Variants in PLPPR3 observed in about 807,000 individuals in gnomAD.
PLPPR3 encodes phospholipid phosphatase-related protein type 3.
Under a neutral mutation model 27.3 loss-of-function variants are expected in PLPPR3, and 14 were observed. The ratio of observed to expected loss-of-function variants is 0.51; its 90% CI spans 0.34 to 0.80. The LOEUF is 0.80. Ranked by LOEUF, PLPPR3 falls within the 30% of genes least tolerant of loss-of-function variation. The pLI is 0.01. For synonymous variants in PLPPR3, 671 were observed against 508.0 expected (o/e 1.32, Z -4.32); for missense variants, 1,287 against 1,056.9 (o/e 1.22, Z -3.02).
In PLPPR3 at chr19:813,199, TG is replaced by T; in HGVS notation, c.1527del (p.Ser511AlafsTer11). On this transcript the variant is annotated frameshift_variant, in exon 8 of 8. Coordinates refer to ENST00000520876, the MANE Select transcript of PLPPR3 (RefSeq NM_001270366.2). LOFTEE classifies it low-confidence loss of function (END_TRUNC). The surrounding 1 kb of genome is among the most constrained non-coding windows in gnomAD (Gnocchi z 4.1). ...TTGGCGCGCACCCCGGCGCCGCTTT[TG>T]GGGGACAGGCCGGCCCCCGTCTGCG... The part of the protein sequence containing the change: ...EGAQTGAGLS[P>X]KSGAGVRAKW... 6.6e-7 allele frequency: 1 copy of T among 1,507,072 alleles called. No individual in the cohort carries two copies. The highest frequency in any genetic ancestry group is 2.2e-5 in the Admixed American group (1 of 45,624). The allele number at this position is 1,507,072 out of a possible 1,614,324, so 93.4% of individuals were successfully genotyped here.
chr19:816,974 CCCAT>C (rs1380322234), intron 2 of PLPPR3, among the ~76,000 whole-genome samples: 8 of 146,734 alleles, frequency 5.5e-5, no homozygotes, highest in Non-Finnish European at 7.6e-5. Context: ...CCATTGATCA[CCCAT>C]CCATCCATCC....
chr19:814,861 C>T lies in PLPPR3; in HGVS notation c.599+25G>A, dbSNP rs767708243. The T allele has an allele frequency of 5.0e-6, 8 of 1,601,250 alleles. No individual in the cohort carries two copies. In the Admixed American group the frequency reaches 1.3e-4, roughly 27 times the overall value. The stretch of plus-strand genomic sequence containing the variant: ...ACCGGGGCGGAAGAAGGCTCCCAGT[C>T]AGGGGAGTTGGGGGTCCGGCTCACC... On this transcript the variant is annotated intron_variant, in intron 5 of 7. Coordinates refer to ENST00000520876, the MANE Select transcript of PLPPR3 (RefSeq NM_001270366.2).
At chr19:821,459 C>G in intron 2 of PLPPR3, 26 bp downstream of exon 2, 2 of 1,503,714 alleles carry the variant, frequency 1.3e-6, no homozygotes, top group East Asian at 2.8e-5. Flanking sequence ...GCGTCTCCCC[C>G]GGGCCCCAGC....
chr19:823,034 G>C (rs1252435215), upstream of PLPPR3, among the ~76,000 whole-genome samples: 1 of 152,030 alleles, frequency 6.6e-6, no homozygotes, highest in Non-Finnish European at 1.5e-5. Flanking sequence ...CAGGAGAATC[G>C]CTTGAACCTG....
rs1249293743 is a variant in PLPPR3 at position 812,676 on chromosome 19, G to C, written c.2051C>G (p.Ser684Cys). 45 of 1,051,676 alleles carry C rather than the reference G, an allele frequency of 4.3e-5. No individual in the cohort carries two copies. Among genetic ancestry groups the C allele is most frequent in the Non-Finnish European group, 4.9e-5 (43 of 871,786 alleles). 65.1% of individuals were successfully genotyped at this position (1,051,676 alleles called of 1,614,324 possible). The change falls in exon 8 of 8, where the codon TCC (serine) becomes TGC (cysteine). Residue 684 changes from serine to cysteine, a missense_variant. Physicochemically the swap from Ser to Cys is moderately radical, Grantham distance 112. Transcript: ENST00000520876. ...DGALGPGSRE[S>C]TLRRHAGGLG... ...GCCGCCCGCGTGGCGCCGCAGCGTG[G>C]ACTCCCGGCTGCCCGGGCCCAGCGC...
chr19:823,746 G>A (rs1195233310), upstream of PLPPR3, among the ~76,000 whole-genome samples: 1 of 152,212 alleles, frequency 6.6e-6, no homozygotes, highest in African/African-American at 2.4e-5. Flanking sequence ...TCACAGGTGG[G>A]TCCCATTCGA....
Position 813,793 on chromosome 19 carries a change from C to A in PLPPR3, c.934G>T (p.Asp312Tyr). ...GACTTATTCTGCTGATAAACCGAGT[C>A]GTGGCCCCGCTGCGTCAGGGCCCGC... ...ALRALTQRGHDSVYQQNKSVS... is the reference protein window; with the variant it reads ...ALRALTQRGHYSVYQQNKSVS... The change falls in exon 8 of 8, where the codon GAC (aspartate) becomes TAC (tyrosine). Residue 312 changes from aspartate (D) to tyrosine (Y), a missense_variant. Transcript: ENST00000520876. This position sits in a 1 kb window ranked among gnomAD's most constrained non-coding sequence, Gnocchi z 4.1. The A allele has an allele frequency of 1.3e-6, 2 of 1,525,168 alleles. No homozygotes were observed. Among genetic ancestry groups the A allele is most frequent in the South Asian group, 1.2e-5 (1 of 83,026 alleles). The allele number at this position is 1,525,168 out of a possible 1,614,324, so 94.5% of individuals were successfully genotyped here. A position where few individuals can be genotyped will look rare whatever the true frequency, so the allele number is the denominator to read the frequency against.
rs1020746237 is a variant in PLPPR3 at position 819,070 on chromosome 19, G to A, written c.75+2415C>T. On this transcript the variant is annotated intron_variant, in intron 2 of 7. Coordinates refer to ENST00000520876, the MANE Select transcript of PLPPR3 (RefSeq NM_001270366.2). Reference sequence around the variant, plus strand: ...CAGCTCACTGCAACCTCCACCTCCCGTCCTCAAGCGATTCTCCCACCTCAG... The same window carrying A: ...CAGCTCACTGCAACCTCCACCTCCCATCCTCAAGCGATTCTCCCACCTCAG... Among the ~76,000 whole-genome samples the A allele has an allele frequency of 3.7e-5, 4 of 108,608 alleles. 1 individual carries two copies. The highest frequency in any genetic ancestry group is 6.5e-4 in the South Asian group (2 of 3,070). 71.3% of individuals were successfully genotyped at this position (108,608 alleles called of 152,430 possible).
chr19:813,148 C>G lies in PLPPR3; in HGVS notation c.1579G>C (p.Gly527Arg). The G allele has an allele frequency of 6.6e-7, 1 of 1,523,658 alleles. No individual in the cohort carries two copies. Among genetic ancestry groups the G allele is most frequent in the South Asian group, 1.2e-5 (1 of 83,036 alleles). 94.4% of individuals were successfully genotyped at this position (1,523,658 alleles called of 1,614,324 possible). Residue 527 changes from glycine to arginine, a missense_variant, in exon 8 of 8, where the codon GGG (glycine) becomes CGG (arginine). By Grantham distance (125) the Gly-to-Arg change is moderately radical (BLOSUM62 -2). Coordinates refer to ENST00000520876, the MANE Select transcript of PLPPR3 (RefSeq NM_001270366.2). The surrounding 1 kb of genome is among the most constrained non-coding windows in gnomAD (Gnocchi z 4.1). ...CGCGGAGGGTTGGCCACTGCCGCCC[C>G]GCTCTTCTCGGCCATCATGAGCCAC... ...AKWLMMAEKS[G>R]AAVANPPRLL...
rs1199823994 is a variant in PLPPR3 at position 813,914 on chromosome 19, T to G, written c.832-19A>C. On this transcript the variant is annotated intron_variant, in intron 7 of 7. Coordinates refer to ENST00000520876, the MANE Select transcript of PLPPR3 (RefSeq NM_001270366.2). The surrounding 1 kb of genome is among the most constrained non-coding windows in gnomAD (Gnocchi z 4.1). ...GGCAGGCCTGTCGGGGAGAGGGGTC[T>G]GGGGGTGAGGCCTGGGGCTCAGAGG... 7.0e-7 allele frequency: 1 copy of G among 1,420,608 alleles called. No individual in the cohort carries two copies. Among genetic ancestry groups the G allele is most frequent in the African/African-American group, 1.5e-5 (1 of 67,048 alleles). The allele number at this position is 1,420,608 out of a possible 1,614,324, so 88.0% of individuals were successfully genotyped here.
rs1249737940 is a variant in PLPPR3 at position 813,032 on chromosome 19, G to A, written c.1695C>T (p.Asp565=). The A allele has an allele frequency of 4.6e-6, 7 of 1,518,302 alleles. No individual in the cohort carries two copies. Among genetic ancestry groups the A allele is most frequent in the Non-Finnish European group, 5.3e-6 (6 of 1,141,372 alleles). The allele number at this position is 1,518,302 out of a possible 1,614,324, so 94.1% of individuals were successfully genotyped here. The change falls in exon 8 of 8, where the codon GAC becomes GAT. Residue 565 remains aspartate (D), a synonymous_variant. Coordinates refer to ENST00000520876, the MANE Select transcript of PLPPR3 (RefSeq NM_001270366.2). The surrounding 1 kb of genome is among the most constrained non-coding windows in gnomAD (Gnocchi z 4.1). ...CCGACGGCGACCGGTACTGCGAGGAGTCGGAGCTGGCGCTGGACGACGACG... is the reference window on the plus strand; with the variant it reads ...CCGACGGCGACCGGTACTGCGAGGAATCGGAGCTGGCGCTGGACGACGACG... The part of the protein sequence containing the change: ...ETASSSSASS[D]SSQYRSPSDR...
At chr19:823,137 A>AAACG (rs1002989946), upstream of PLPPR3, among the ~76,000 whole-genome samples, 1 of 146,262 alleles carries the variant, frequency 6.8e-6, no homozygotes, top group African/African-American at 2.6e-5. Flanking sequence ...ACAAACAAAC[A>AAACG]AACAAACAAA....
Position 813,254 on chromosome 19 carries a change from C to T in PLPPR3, c.1473G>A (p.Pro491=), listed in dbSNP as rs779918068. 6.8e-7 allele frequency: 1 copy of T among 1,473,682 alleles called. No homozygotes were observed. Among genetic ancestry groups the T allele is most frequent in the Non-Finnish European group, 8.9e-7 (1 of 1,122,288 alleles). 91.3% of individuals were successfully genotyped at this position (1,473,682 alleles called of 1,614,324 possible). The change falls in exon 8 of 8, where the codon CCG becomes CCA. Residue 491 remains proline, a synonymous_variant. Coordinates refer to ENST00000520876, the MANE Select transcript of PLPPR3 (RefSeq NM_001270366.2). This position sits in a 1 kb window ranked among gnomAD's most constrained non-coding sequence, Gnocchi z 4.1. ...CCTCCTCCGGGATGTGCACCAGCGGCGGCGGCCCCGCGCGCGGTGGGAGGA... is the reference window on the plus strand; with the variant it reads ...CCTCCTCCGGGATGTGCACCAGCGGTGGCGGCCCCGCGCGCGGTGGGAGGA... The part of the protein sequence containing the change: ...RVILPPRAGP[P]PLVHIPEEGA...
Position 813,862 on chromosome 19 carries a change from G to T in PLPPR3, c.865C>A (p.Pro289Thr), listed in dbSNP as rs916855339. ...CHAVGNFQAP[P>T]AEKPAAPAPA... ...GCCGGGGCCGCGGGCTTCTCTGCAG[G>T]TGGGGCCTGGAAGTTGCCCACCGCG... Residue 289 changes from proline to threonine, a missense_variant, in exon 8 of 8, where the codon CCT (proline) becomes ACT (threonine). Coordinates refer to ENST00000520876, the MANE Select transcript of PLPPR3 (RefSeq NM_001270366.2). The surrounding 1 kb of genome is among the most constrained non-coding windows in gnomAD (Gnocchi z 4.1). 4 of 1,453,396 alleles carry T rather than the reference G, an allele frequency of 2.8e-6. No individual in the cohort carries two copies. Among genetic ancestry groups the T allele is most frequent in the East Asian group, 2.6e-5 (1 of 38,428 alleles). 90.0% of individuals were successfully genotyped at this position (1,453,396 alleles called of 1,614,324 possible).
At position 815,041 on chromosome 19, in the gene PLPPR3, C is replaced by T. The variant is rs144174803; in HGVS notation, c.444G>A (p.Thr148=). The T allele has an allele frequency of 4.3e-5, 69 of 1,608,988 alleles. No individual in the cohort carries two copies. Among genetic ancestry groups the T allele is most frequent in the African/African-American group, 8.0e-5 (6 of 74,916 alleles). The change falls in exon 5 of 8, where the codon ACG becomes ACA. Residue 148 remains threonine (T), a synonymous_variant. Coordinates refer to ENST00000520876, the MANE Select transcript of PLPPR3 (RefSeq NM_001270366.2). Reference sequence around the variant, plus strand: ...AACCCGTGGCCAGCTGGATCACGTCCGTCACCAGGGCTGTGGCACACAGGC... The same window carrying T: ...AACCCGTGGCCAGCTGGATCACGTCTGTCACCAGGGCTGTGGCACACAGGC... The part of the protein sequence containing the change: ...VFGLCATALV[T]DVIQLATGYH...
Position 813,458 on chromosome 19 carries a change from C to T in PLPPR3, c.1269G>A (p.Leu423=). The T allele has an allele frequency of 6.5e-7, 1 of 1,531,986 alleles. No homozygotes were observed. Among genetic ancestry groups the T allele is most frequent in the Non-Finnish European group, 8.7e-7 (1 of 1,144,170 alleles). The allele number at this position is 1,531,986 out of a possible 1,614,324, so 94.9% of individuals were successfully genotyped here. A position where few individuals can be genotyped will look rare whatever the true frequency, so the allele number is the denominator to read the frequency against. Reference sequence around the variant, plus strand: ...GGTGCCCGGGGCTGGCGTCGTCGGGCAGCCCCAGGCCGCGGCCCTCCAGGC... The same window carrying T: ...GGTGCCCGGGGCTGGCGTCGTCGGGTAGCCCCAGGCCGCGGCCCTCCAGGC... ...QKSLEGRGLG[L]PDDASPGHLR... Residue 423 remains leucine, a synonymous_variant, in exon 8 of 8, where the codon CTG becomes CTA. Transcript: ENST00000520876. This position sits in a 1 kb window ranked among gnomAD's most constrained non-coding sequence, Gnocchi z 4.1.
chr19:814,709 C>T lies in PLPPR3; in HGVS notation c.640G>A (p.Ala214Thr), dbSNP rs1039627741. 4 of 1,592,462 alleles carry T rather than the reference C, an allele frequency of 2.5e-6. No individual in the cohort carries two copies. The highest frequency in any genetic ancestry group is 1.1e-5 in the South Asian group (1 of 90,496). ...PSQHATLSAF[A>T]AVYVSMYFNS... Reference sequence around the variant, plus strand: ...GGACTCACCGACACATAGACCGCGGCGAAGGCTGACAGCGTGGCGTGCTGG... The same window carrying T: ...GGACTCACCGACACATAGACCGCGGTGAAGGCTGACAGCGTGGCGTGCTGG... The change falls in exon 6 of 8, where the codon GCC becomes ACC. Residue 214 changes from alanine to threonine, a missense_variant. Ala to Thr is a moderately conservative substitution (Grantham distance 58). Transcript: ENST00000520876.
chr19:814,017 G>A (rs879519556), intron 7 of PLPPR3, 122 bp from the exon 8 acceptor site: 5 of 962,234 alleles, frequency 5.2e-6, no homozygotes, highest in Non-Finnish European at 7.3e-6. Flanking sequence ...CTTGTCCAGT[G>A]GGACCGGTTC....
chr19:815,881 C>T, intron 2 of PLPPR3, 30 bp from the exon 3 acceptor site: 1 of 1,605,098 alleles, frequency 6.2e-7, no homozygotes, highest in Non-Finnish European at 8.5e-7. Flanking sequence ...CAGGTTCACC[C>T]TGCTCTCCCT....
Sources: allele counts gnomAD v4.1 joint callset (sites outside exome capture counted in the v4.1 genomes callset), GRCh38; gene constraint gnomAD v4.1.1; non-coding constraint Gnocchi (gnomAD v3.1); transcripts MANE v1.5; gene names NCBI Gene and HGNC (gene_info 2026-07-23, HGNC 2026-07-21).